The following TICAM2 variants were observed in gnomAD, a reference collection of about 807,000 sequenced individuals.
TICAM2 encodes TIR domain containing adaptor molecule 2, also known as TIR domain-containing adapter molecule 2.
A neutral mutation model predicts 7.3 loss-of-function variants in TICAM2; 8 were observed. That is an observed-to-expected ratio of 1.10 (90% CI 0.65 to 1.99). The LOEUF (loss-of-function observed/expected upper bound fraction) is 1.99. TICAM2 is among the 30% of genes most tolerant of loss of function. The pLI is 0.00. For missense variants in TICAM2, 304 were observed against 278.8 expected (o/e 1.09, Z -0.65); for synonymous variants, 113 against 99.6 (o/e 1.13, Z -0.80).
In TICAM2 at chr5:115,580,947, A is replaced by T; in HGVS notation, c.310T>A (p.Phe104Ile). 1.2e-6 allele frequency: 2 copies of T among 1,613,562 alleles called. No individual in the cohort carries two copies. The highest frequency in any genetic ancestry group is 1.7e-6 in the Non-Finnish European group (2 of 1,179,622). ...LRVQNLLQDD[F>I]GIKPGIIFAE... is the part of the protein sequence containing the mutation. ...AAGATTATTCCGGGTTTGATACCAAAGTCATCTTGTAGCAGATTCTGGACT... is the reference window on the plus strand; with the variant it reads ...AAGATTATTCCGGGTTTGATACCAATGTCATCTTGTAGCAGATTCTGGACT... Residue 104 changes from phenylalanine to isoleucine, a missense_variant, in exon 2 of 2, where the codon TTT becomes ATT. Transcript: ENST00000427199.
At chr5:115,592,760 G>T (rs1253310385) in intron 1 of TICAM2, among the ~76,000 whole-genome samples, 2 of 152,164 alleles carry the variant, frequency 1.3e-5, no homozygotes, top group African/African-American at 2.4e-5. Context: ...CAAAATGTTA[G>T]AAAAATGGAT....
chr5:115,601,453 C>T (rs1030089543), intron 1 of TICAM2, among the ~76,000 whole-genome samples: 1 of 151,574 alleles, frequency 6.6e-6, no homozygotes, highest in Admixed American at 6.6e-5. Flanking sequence ...CCTGTGTAGA[C>T]GTGCAATGTG....
intron 1 of TICAM2, among the ~76,000 whole-genome samples, chr5:115,584,684 C>T (rs561336894): frequency 1.3e-4 from 20 of 152,144 alleles, no homozygotes; most frequent in Non-Finnish European, 2.2e-4. Context: ...AGAAAAACTA[C>T]CAATTACTGT....
intron 1 of TICAM2, among the ~76,000 whole-genome samples, chr5:115,584,443 T>A (rs191986228): frequency 1.3e-5 from 2 of 152,322 alleles, no homozygotes; most frequent in East Asian, 3.9e-4. Flanking sequence ...ATGTGAGTTG[T>A]TTCCAGTCTA....
rs1450533150 is a variant in TICAM2, at chr5:115,580,249, T to C, written c.*300A>G. 1 of 245,534 alleles carries C rather than the reference T, an allele frequency of 4.1e-6. No homozygotes were observed. Among genetic ancestry groups the C allele is most frequent in the Non-Finnish European group, 7.7e-6 (1 of 130,706 alleles). 15.2% of individuals were successfully genotyped at this position (245,534 alleles called of 1,614,324 possible). ...TTTTAAAAATGTCTGTCATACAAGT[T>C]TTTGTTCAAGGTTCAATACAAGGAA... On this transcript the variant is annotated 3_prime_UTR_variant, in exon 2 of 2. Coordinates refer to ENST00000427199, the MANE Select transcript of TICAM2 (RefSeq NM_021649.7).
intron 1 of TICAM2, among the ~76,000 whole-genome samples, chr5:115,592,657 G>C (rs1477458246): frequency 6.6e-6 from 1 of 152,116 alleles, no homozygotes; most frequent in Admixed American, 6.5e-5. Context: ...TATGAGGCCA[G>C]CATAACCATG....
At chr5:115,589,967 G>C (rs1378233298) in intron 1 of TICAM2, among the ~76,000 whole-genome samples, 1 of 152,176 alleles carries the variant, frequency 6.6e-6, no homozygotes, top group Non-Finnish European at 1.5e-5. Flanking sequence ...ATAAATCATT[G>C]ACTCAACCAG....
chr5:115,597,584 A>G (rs1755557756), intron 1 of TICAM2, among the ~76,000 whole-genome samples: 1 of 152,248 alleles, frequency 6.6e-6, no homozygotes, highest in South Asian at 2.1e-4. Flanking sequence ...AAAGAAAAGG[A>G]ACTGACTGTA....
chr5:115,595,413 T>C (rs1487751848), intron 1 of TICAM2, among the ~76,000 whole-genome samples: 1 of 152,212 alleles, frequency 6.6e-6, no homozygotes, highest in African/African-American at 2.4e-5. Flanking sequence ...CTCCTAAACA[T>C]ATCTGTCTCT....
At chr5:115,591,067 T>C (rs900380313) in intron 1 of TICAM2, among the ~76,000 whole-genome samples, 5 of 149,448 alleles carry the variant, frequency 3.3e-5, no homozygotes, top group African/African-American at 1.2e-4. Context: ...CTAGACAAAA[T>C]AGAAAAAAAA....
At chr5:115,589,268 C>T (rs765271938) in intron 1 of TICAM2, among the ~76,000 whole-genome samples, 34 of 152,172 alleles carry the variant, frequency 2.2e-4, no homozygotes, top group African/African-American at 8.0e-4. Flanking sequence ...AACTACAGCA[C>T]GGGAGTGTGC....
chr5:115,582,577 A>G (rs1754968560), intron 1 of TICAM2, among the ~76,000 whole-genome samples: 2 of 152,184 alleles, frequency 1.3e-5, no homozygotes, highest in African/African-American at 4.8e-5. Flanking sequence ...ATAAGTCTTC[A>G]GAAAACATTG....
chr5:115,581,119 A>C lies in TICAM2; in HGVS notation c.138T>G (p.Ala46=). The change falls in exon 2 of 2, where the codon GCT becomes GCG. Residue 46 remains alanine (A), a synonymous_variant. Transcript: ENST00000427199. ...GCCCCTCTGTTGTATTGCTGTGCTCAGCAACATTACACAAGGATAGATCTT... is the reference window on the plus strand; with the variant it reads ...GCCCCTCTGTTGTATTGCTGTGCTCCGCAACATTACACAAGGATAGATCTT... ...KSEDLSLCNV[A]EHSNTTEGPT... 1 of 1,614,126 alleles carries C rather than the reference A, an allele frequency of 6.2e-7. No homozygotes were observed. Among genetic ancestry groups the C allele is most frequent in the Non-Finnish European group, 8.5e-7 (1 of 1,180,026 alleles).
rs80148735 is a variant in TICAM2 at position 115,596,992 on chromosome 5, C to T, written c.-60+5105G>A. 2.9e-3 allele frequency among the ~76,000 whole-genome samples: 438 copies of T among 152,290 alleles called. 1 individual carries two copies. Among genetic ancestry groups the T allele is most frequent in the African/African-American group, 0.01 (421 of 41,578 alleles). The stretch of plus-strand genomic sequence containing the variant: ...TCACAGTCCTATATAAAAAGTACTT[C>T]TGCAAGAACAACTGCCCAGCAACTT... On this transcript the variant is annotated intron_variant, in intron 1 of 1. Coordinates refer to ENST00000427199, the MANE Select transcript of TICAM2 (RefSeq NM_021649.7).
chr5:115,586,970 G>T (rs1392652048), intron 1 of TICAM2, among the ~76,000 whole-genome samples: 2 of 152,160 alleles, frequency 1.3e-5, no homozygotes, highest in Non-Finnish European at 2.9e-5. Context: ...ACCCTTGCAA[G>T]ACAAAGACAG....
intron 1 of TICAM2, among the ~76,000 whole-genome samples, chr5:115,595,691 T>C (rs766994041): frequency 3.9e-5 from 6 of 152,190 alleles, no homozygotes; most frequent in Non-Finnish European, 8.8e-5. Flanking sequence ...ATCCAATCTC[T>C]CCTTTTATCC....
At position 115,581,051 on chromosome 5, in the gene TICAM2, A is replaced by G. The variant is rs145613353; in HGVS notation, c.206T>C (p.Phe69Ser). 1.9e-5 allele frequency: 30 copies of G among 1,614,026 alleles called. No individual in the cohort carries two copies. In the African/African-American group the frequency reaches 3.6e-4, roughly 19 times the overall value. ...QEGAQSVEEMFEEEAEEEVFL... is the reference protein window; with the variant it reads ...QEGAQSVEEMSEEEAEEEVFL... ...CACCTCTTCTTCAGCTTCTTCTTCA[A>G]ACATCTCTTCCACGCTCTGAGCTCC... The change falls in exon 2 of 2, where the codon TTT becomes TCT. Residue 69 changes from phenylalanine (F) to serine (S), a missense_variant. By Grantham distance (155) the Phe-to-Ser change is radical. Coordinates refer to ENST00000427199, the MANE Select transcript of TICAM2 (RefSeq NM_021649.7).
At chr5:115,596,560 C>T (rs928887329) in intron 1 of TICAM2, among the ~76,000 whole-genome samples, 1 of 152,064 alleles carries the variant, frequency 6.6e-6, no homozygotes, top group Non-Finnish European at 1.5e-5. Flanking sequence ...CCAGGAAAGG[C>T]CATGAAGGAA....
At position 115,579,994 on chromosome 5, in the gene TICAM2, T is replaced by C. The variant is rs1754857467; in HGVS notation, c.*555A>G. ...GCAGAAAATACATTTGACTGGGTTC[T>C]TTTAAAAAGTTCCACCATTCTCACA... On this transcript the variant is annotated 3_prime_UTR_variant, in exon 2 of 2. Coordinates refer to ENST00000427199, the MANE Select transcript of TICAM2 (RefSeq NM_021649.7). 1 of 152,396 alleles carries C rather than the reference T, an allele frequency of 6.6e-6. No individual in the cohort carries two copies. The highest frequency in any genetic ancestry group is 6.5e-5 in the Admixed American group (1 of 15,312). The allele number at this position is 152,396 out of a possible 1,614,324, so 9.4% of individuals were successfully genotyped here.
Sources: gnomAD v4.1 joint callset for allele counts (sites outside exome capture counted in the v4.1 genomes callset) on GRCh38, gnomAD v4.1.1 for gene constraint, MANE v1.5 for transcripts, NCBI Gene and HGNC (gene_info 2026-07-23, HGNC 2026-07-21) for gene names.